Variants in RB1 observed in about 807,000 individuals in gnomAD.
RB1 encodes the protein RB transcriptional corepressor 1.
In RB1, 18 loss-of-function variants were observed where a neutral mutation model predicts 135.4. The ratio of observed to expected loss-of-function variants is 0.13; its 90% CI spans 0.09 to 0.20. RB1 has a LOEUF of 0.20. RB1 is among the 10% of genes least tolerant of loss of function. The probability of loss-of-function intolerance (pLI) is 1.00; values close to 1 mark genes in which losing one functional copy is unlikely to be tolerated. For synonymous variants in RB1, 365 were observed against 373.2 expected, an observed-to-expected ratio of 0.98 and a Z score of 0.25; for missense variants, 868 against 1,110.0, an observed-to-expected ratio of 0.78 and a Z score of 3.10.
intron 2 of RB1, among the ~76,000 whole-genome samples, chr13:48,323,466 T>A (rs906646217): frequency 1.3e-5 from 2 of 151,994 alleles, no homozygotes; most frequent in Non-Finnish European, 2.9e-5. Context: ...TTTAAAGTTT[T>A]TTTTTCTGGT....
At chr13:48,479,281 A>G (rs934628504) in intron 26 of RB1, among the ~76,000 whole-genome samples, 1 of 152,206 alleles carries the variant, frequency 6.6e-6, no homozygotes, top group Admixed American at 6.5e-5. Context: ...ATGTATTTGC[A>G]GTACCTGCAA....
chr13:48,411,749 A>T, intron 17 of RB1: 1 of 1,610,186 alleles, frequency 6.2e-7, no homozygotes, highest in Non-Finnish European at 8.5e-7. Context: ...TTAAAACCTT[A>T]GTTTTGTTTA....
At chr13:48,421,644 C>A (rs1375746470) in intron 17 of RB1, among the ~76,000 whole-genome samples, 1 of 152,110 alleles carries the variant, frequency 6.6e-6, no homozygotes, top group East Asian at 1.9e-4. Flanking sequence ...AGTCCAGAAT[C>A]TACAAGGAAC....
intron 17 of RB1, among the ~76,000 whole-genome samples, chr13:48,434,853 T>A (rs1949167044): frequency 6.6e-6 from 1 of 152,240 alleles, no homozygotes; most frequent in Non-Finnish European, 1.5e-5. Flanking sequence ...TCATTCAGTA[T>A]AATTTTCTGG....
chr13:48,342,608 A>G lies in RB1; in HGVS notation c.274A>G (p.Ile92Val). ...TATTTTTTGTTCCCAGGGAGGTTAT[A>G]TTCAAAAGAAAAAGGAACTGTGGGG... ...SSVDGVLGGY[I>V]QKKKELWGIC... The change falls in exon 3 of 27, where the codon ATT becomes GTT. Residue 92 changes from isoleucine to valine, a missense_variant. Ile to Val is a conservative substitution (Grantham distance 29). Coordinates refer to ENST00000267163, the MANE Select transcript of RB1 (RefSeq NM_000321.3). 6.3e-7 allele frequency: 1 copy of G among 1,599,454 alleles called. No individual in the cohort carries two copies. Among genetic ancestry groups the G allele is most frequent in the South Asian group, 1.1e-5 (1 of 90,760 alleles).
chr13:48,417,835 A>G (rs1377032897), intron 17 of RB1, among the ~76,000 whole-genome samples: 1 of 152,198 alleles, frequency 6.6e-6, no homozygotes, highest in Admixed American at 6.5e-5. Context: ...AGGAAAAAGA[A>G]TGAAAAGAAA....
At chr13:48,318,173 A>G in intron 2 of RB1, 1 of 551,136 alleles carries the variant, frequency 1.8e-6, no homozygotes. Flanking sequence ...CCATACTGCC[A>G]CAGACACTGG....
intron 17 of RB1, among the ~76,000 whole-genome samples, chr13:48,383,186 T>C (rs1374388821): frequency 6.6e-6 from 1 of 152,154 alleles, no homozygotes; most frequent in Non-Finnish European, 1.5e-5. Context: ...TTAAATATAG[T>C]AGGATTCATT....
chr13:48,363,563 C>T (rs1566192853), intron 8 of RB1, among the ~76,000 whole-genome samples: 1 of 152,002 alleles, frequency 6.6e-6, no homozygotes, highest in Non-Finnish European at 1.5e-5. Flanking sequence ...TCTCCAAAAA[C>T]GAACAAACAA....
rs1169516275 is a variant in RB1, at chr13:48,369,520, A to G, written c.1127+916A>G. Among the ~76,000 whole-genome samples the G allele has an allele frequency of 2.6e-5, 4 of 152,182 alleles. No homozygotes were observed. In the East Asian group the frequency reaches 5.8e-4, roughly 22 times the overall value. The stretch of plus-strand genomic sequence containing the variant: ...CTGTTAAACCCACTGACTGCTTCCC[A>G]TTGCAATTGGTATACAGTGCAAATT... On this transcript the variant is annotated intron_variant, in intron 11 of 26. Transcript: ENST00000267163.
Position 48,480,723 on chromosome 13 carries a change from AT to A in RB1, c.*653del. ...TAAAAGCTGGAAGCAAAGTATAACCATATGATACTATCATACTACTGAAACA... is the reference window on the plus strand; with the variant it reads ...TAAAAGCTGGAAGCAAAGTATAACCAATGATACTATCATACTACTGAAACA... On this transcript the variant is annotated 3_prime_UTR_variant, in exon 27 of 27. Transcript: ENST00000267163. The A allele has an allele frequency of 4.4e-6, 1 of 227,554 alleles. No homozygotes were observed. The highest frequency in any genetic ancestry group is 8.7e-6 in the Non-Finnish European group (1 of 114,338). 14.1% of individuals were successfully genotyped at this position (227,554 alleles called of 1,614,324 possible). A position where few individuals can be genotyped will look rare whatever the true frequency, so the allele number is the denominator to read the frequency against.
chr13:48,365,018 G>T, intron 9 of RB1, 47 bp downstream of exon 9: 1 of 1,523,794 alleles, frequency 6.6e-7, no homozygotes, highest in Non-Finnish European at 8.8e-7. Flanking sequence ...TTGAGACTGT[G>T]GAGGGAGGAT....
chr13:48,415,334 C>T (rs1217908351), intron 17 of RB1, among the ~76,000 whole-genome samples: 2 of 150,978 alleles, frequency 1.3e-5, no homozygotes, highest in Non-Finnish European at 2.9e-5. Context: ...GGCTGGAGTG[C>T]AGTGGTGCGA....
intron 17 of RB1, chr13:48,411,708 CAG>C (rs1197130829): frequency 3.1e-6 from 5 of 1,606,162 alleles, no homozygotes; most frequent in Non-Finnish European, 4.3e-6. Flanking sequence ...AAAACAGAAA[CAG>C]AATATGATCA....
chr13:48,404,976 AG>A (rs2138186661), intron 17 of RB1, among the ~76,000 whole-genome samples: 1 of 152,346 alleles, frequency 6.6e-6, no homozygotes, highest in Non-Finnish European at 1.5e-5. Context: ...CAAATATGAC[AG>A]CAAAATGAAA....
rs560808390 is a variant in RB1, at chr13:48,313,990, C to T, written c.264+6584C>T. Among the ~76,000 whole-genome samples, 9 of 151,714 alleles carry T rather than the reference C, an allele frequency of 5.9e-5. No homozygotes were observed. In the South Asian group the frequency reaches 1.7e-3, roughly 28 times the overall value. ...GGTCTCGATCTCCTGACCTCGTGAT[C>T]GCCCACCTCGGCCTCCCAAAGTGCT... On this transcript the variant is annotated intron_variant, in intron 2 of 26. Coordinates refer to ENST00000267163, the MANE Select transcript of RB1 (RefSeq NM_000321.3).
chr13:48,389,085 G>T (rs1025445978), intron 17 of RB1, among the ~76,000 whole-genome samples: 25 of 152,152 alleles, frequency 1.6e-4, no homozygotes, highest in African/African-American at 6.0e-4. Flanking sequence ...GCTTGAGCCC[G>T]GGAGGCGGAG....
chr13:48,410,381 A>G (rs1208166432), intron 17 of RB1, among the ~76,000 whole-genome samples: 2 of 152,206 alleles, frequency 1.3e-5, no homozygotes, highest in African/African-American at 2.4e-5. Context: ...TGTACCATAT[A>G]AGCCTAGGTG....
intron 17 of RB1, among the ~76,000 whole-genome samples, chr13:48,403,551 C>G (rs571706191): frequency 4.7e-4 from 71 of 152,204 alleles, no homozygotes; most frequent in African/African-American, 1.6e-3. Context: ...TAGAGAGCCC[C>G]CAAGCTCAAA....
Sources: allele counts gnomAD v4.1 joint callset (sites outside exome capture counted in the v4.1 genomes callset), GRCh38; gene constraint gnomAD v4.1.1; transcripts MANE v1.5; gene names NCBI Gene and HGNC (gene_info 2026-07-23, HGNC 2026-07-21).